Variants in RANBP2 observed in about 807,000 individuals in gnomAD.
The protein encoded by RANBP2 is RAN binding protein 2, also known as E3 SUMO-protein ligase RanBP2.
A neutral mutation model predicts 303.6 loss-of-function variants in RANBP2; 57 were observed. That is an observed-to-expected ratio of 0.19 (90% CI 0.15 to 0.23). The LOEUF is 0.23. RANBP2 is among the 10% of genes least tolerant of loss of function. The pLI is 1.00. For missense variants in RANBP2, 3,138 were observed against 3,780.8 expected (o/e 0.83, Z 4.46); for synonymous variants, 1,167 against 1,301.5 (o/e 0.90, Z 2.23).
At chr2:108,756,413 A>C (rs1444903837) in intron 17 of RANBP2, among the ~76,000 whole-genome samples, 2 of 152,232 alleles carry the variant, frequency 1.3e-5, no homozygotes, top group African/African-American at 4.8e-5. Flanking sequence ...AGGTTCTTTC[A>C]TGTTTATCAG....
chr2:108,961,193 A>G, the RANBP2 span, among the ~76,000 whole-genome samples: 1 of 152,248 alleles, frequency 6.6e-6, no homozygotes, highest in Non-Finnish European at 1.5e-5. Flanking sequence ...AGGCCCAGAC[A>G]GAAAAAGAAG....
the RANBP2 span, chr2:108,930,053 C>T: frequency 1.5e-5 from 23 of 1,550,184 alleles, no homozygotes; most frequent in African/African-American, 2.7e-5. Context: ...AGGCTCAGGG[C>T]AACAATGCCA....
chr2:109,129,934 G>A, the RANBP2 span: 69 of 1,481,312 alleles, frequency 4.7e-5, 1 homozygote, highest in East Asian at 1.8e-3. Flanking sequence ...CACCAGCCCC[G>A]GCGGCAGCCC....
chr2:109,312,939 C>T, the RANBP2 span, among the ~76,000 whole-genome samples: 21 of 152,240 alleles, frequency 1.4e-4, no homozygotes, highest in East Asian at 2.3e-3. Context: ...ATTGAAGAGC[C>T]GCCCTATGTT....
At chr2:109,540,661 G>T in the RANBP2 span, among the ~76,000 whole-genome samples, 1 of 144,922 alleles carries the variant, frequency 6.9e-6, no homozygotes, top group Non-Finnish European at 1.5e-5. Flanking sequence ...TACCAAAAAA[G>T]GAAAAAAAAA....
the RANBP2 span, among the ~76,000 whole-genome samples, chr2:108,800,646 C>CT: frequency 6.6e-5 from 3 of 45,800 alleles, no homozygotes; most frequent in Admixed American, 3.2e-4. Flanking sequence ...TTTAATTATA[C>CT]TTTAAGTTTT....
the RANBP2 span, among the ~76,000 whole-genome samples, chr2:109,654,092 A>G: frequency 6.6e-6 from 1 of 152,180 alleles, no homozygotes; most frequent in Non-Finnish European, 1.5e-5. Flanking sequence ...GTCCTCAGAC[A>G]GTGTGGGAGG....
chr2:109,614,017 G>A, the RANBP2 span: 3 of 1,203,600 alleles, frequency 2.5e-6, no homozygotes, highest in African/African-American at 3.2e-5. Flanking sequence ...TGGGGCGGAC[G>A]CCCTGTGGTG....
the RANBP2 span, among the ~76,000 whole-genome samples, chr2:108,791,382 T>C: frequency 1.3e-5 from 2 of 152,192 alleles, no homozygotes; most frequent in African/African-American, 4.8e-5. Context: ...GATAACAGAT[T>C]ATTGGGAGTC....
intron 18 of RANBP2, among the ~76,000 whole-genome samples, chr2:108,760,393 A>T (rs1676642613): frequency 1.3e-5 from 2 of 152,162 alleles, no homozygotes; most frequent in African/African-American, 4.8e-5. Context: ...TTTTTTGAAC[A>T]TTAATGAGTT....
Position 108,768,340 on chromosome 2 carries a change from C to T in RANBP2, c.7801C>T (p.Pro2601Ser). ...AGTCAAAAATCTCTTTGCTTCCTTT[C>T]CAACGGAAGAATCTTCAATCAACTA... ...SKVKNLFASF[P>S]TEESSINYTF... The change falls in exon 20 of 29, where the codon CCA becomes TCA. Residue 2601 changes from proline to serine, a missense_variant. Pro to Ser is a moderately conservative substitution (Grantham distance 74, BLOSUM62 -1). Coordinates refer to ENST00000283195, the MANE Select transcript of RANBP2 (RefSeq NM_006267.5). The T allele has an allele frequency of 6.2e-7, 1 of 1,611,938 alleles. No homozygotes were observed.
chr2:109,232,306 C>T, the RANBP2 span, among the ~76,000 whole-genome samples: 15 of 152,114 alleles, frequency 9.9e-5, no homozygotes, highest in East Asian at 1.4e-3. Flanking sequence ...TGTAGTCATC[C>T]TAGAAGGATC....
the RANBP2 span, among the ~76,000 whole-genome samples, chr2:109,447,687 A>G: frequency 6.6e-6 from 1 of 152,168 alleles, no homozygotes; most frequent in Non-Finnish European, 1.5e-5. Flanking sequence ...CTCTCCCAGC[A>G]TTTGTTTCAT....
At chr2:109,434,492 G>A in the RANBP2 span, among the ~76,000 whole-genome samples, 8 of 152,228 alleles carry the variant, frequency 5.3e-5, no homozygotes, top group South Asian at 2.1e-4. Context: ...AACTCCTGAC[G>A]TGTGTCAGTC....
the RANBP2 span, among the ~76,000 whole-genome samples, chr2:108,855,886 G>C: frequency 6.5e-4 from 99 of 152,164 alleles, 1 homozygote; most frequent in Non-Finnish European, 1.8e-4. Flanking sequence ...TGGTGCTCTT[G>C]AGTCTTCTCC....
the RANBP2 span, chr2:108,805,096 G>A: frequency 7.8e-5 from 49 of 627,524 alleles, no homozygotes; most frequent in Non-Finnish European, 7.1e-5. Flanking sequence ...CTTAGAACAC[G>A]TTTCAGCTAG....
chr2:109,326,137 T>A, the RANBP2 span, among the ~76,000 whole-genome samples: 1 of 152,234 alleles, frequency 6.6e-6, no homozygotes, highest in Admixed American at 6.5e-5. Flanking sequence ...CTACATTGTT[T>A]ATTTGATTTT....
the RANBP2 span, among the ~76,000 whole-genome samples, chr2:109,586,830 G>A: frequency 6.6e-6 from 1 of 152,318 alleles, no homozygotes; most frequent in South Asian, 2.1e-4. Context: ...AGAAAGCACA[G>A]CTGAAGCAGA....
chr2:109,141,339 G>A, the RANBP2 span, among the ~76,000 whole-genome samples: 3 of 152,118 alleles, frequency 2.0e-5, no homozygotes, highest in South Asian at 2.1e-4. Context: ...GCAGCCTCTC[G>A]TCTCTGCCTG....
Sources: gnomAD v4.1 joint callset for allele counts (sites outside exome capture counted in the v4.1 genomes callset) on GRCh38, gnomAD v4.1.1 for gene constraint, MANE v1.5 for transcripts, NCBI Gene and HGNC (gene_info 2026-07-23, HGNC 2026-07-21) for gene names.